The following CHRM2 variants were observed in gnomAD, a reference collection of about 807,000 sequenced individuals.
The protein encoded by CHRM2 is muscarinic acetylcholine receptor M2.
Under a neutral mutation model 25.0 loss-of-function variants are expected in CHRM2, and 8 were observed. That is an observed-to-expected ratio of 0.32 (90% confidence interval 0.19 to 0.58). CHRM2 has a LOEUF of 0.58. Ranked by LOEUF, CHRM2 falls within the 20% of genes least tolerant of loss-of-function variation. CHRM2 has a pLI of 0.88. For missense variants in CHRM2, 440 were observed against 567.1 expected (o/e 0.78, Z 2.28); for synonymous variants, 202 against 205.7 (o/e 0.98, Z 0.15).
In CHRM2 at chr7:136,950,798, T is replaced by TTGTTGA. The variant is rs1184158439; in HGVS notation, c.-124-41384_-124-41383insATGTTG. Among the ~76,000 whole-genome samples, 7 of 151,768 alleles carry TTGTTGA rather than the reference T, an allele frequency of 4.6e-5. No homozygotes were observed. In the East Asian group the frequency reaches 7.8e-4, roughly 17 times the overall value. On this transcript the variant is annotated intron_variant, in intron 2 of 3. Coordinates refer to ENST00000680005, the MANE Select transcript of CHRM2 (RefSeq NM_001006630.2). ...AACCCCCAACCTGTTGTTGTTGTTG[T>TTGTTGA]TGTTGTTGTTGTTGTTGTTGTTGTT...
At chr7:136,988,052 T>C (rs1802974907) in intron 2 of CHRM2, among the ~76,000 whole-genome samples, 2 of 150,484 alleles carry the variant, frequency 1.3e-5, no homozygotes, top group Non-Finnish European at 3.0e-5. Context: ...GTATAATATA[T>C]TTATTTACAT....
intron 2 of CHRM2, among the ~76,000 whole-genome samples, chr7:136,961,218 ATT>A (rs902723628): frequency 2.4e-4 from 37 of 152,194 alleles, no homozygotes; most frequent in African/African-American, 8.7e-4. Flanking sequence ...TCAGTACAGT[ATT>A]CAGTAAACTA....
intron 3 of CHRM2, among the ~76,000 whole-genome samples, chr7:137,000,731 T>G (rs535926032): frequency 1.4e-5 from 2 of 140,082 alleles, no homozygotes; most frequent in Non-Finnish European, 3.1e-5. Flanking sequence ...TCTGTTCACC[T>G]TTTTTTTTTT....
At chr7:136,901,146 G>A (rs1310670588) in intron 2 of CHRM2, among the ~76,000 whole-genome samples, 2 of 151,956 alleles carry the variant, frequency 1.3e-5, no homozygotes, top group African/African-American at 4.8e-5. Flanking sequence ...CGGGGAGTGT[G>A]GGCACCCCCA....
chr7:136,951,853 T>C (rs1266599378), intron 2 of CHRM2, among the ~76,000 whole-genome samples: 1 of 152,222 alleles, frequency 6.6e-6, no homozygotes, highest in East Asian at 1.9e-4. Context: ...ATTCTTTGCC[T>C]TTCCTCCTGC....
intron 2 of CHRM2, among the ~76,000 whole-genome samples, chr7:136,897,743 G>C (rs756841438): frequency 3.3e-5 from 5 of 151,586 alleles, no homozygotes; most frequent in Non-Finnish European, 4.4e-5. Flanking sequence ...CATAGGGAGA[G>C]CTCATATTTG....
chr7:136,936,229 A>C (rs540421687), intron 2 of CHRM2, among the ~76,000 whole-genome samples: 2 of 152,250 alleles, frequency 1.3e-5, no homozygotes, highest in East Asian at 3.9e-4. Flanking sequence ...TCCTAACATC[A>C]AGCAAGTGGT....
rs1795700172 is a variant in CHRM2 at position 136,868,861 on chromosome 7, G to T, written c.-414G>T. ...TCACCAGGAAATCGCCGAGGTACCC[G>T]AATAGGTGTTGCCTCCCAAAACTAA... On this transcript the variant is annotated 5_prime_UTR_variant, in exon 1 of 4. Transcript: ENST00000680005. The T allele has an allele frequency of 6.6e-6, 1 of 152,280 alleles. No individual in the cohort carries two copies. Among genetic ancestry groups the T allele is most frequent in the Non-Finnish European group, 1.5e-5 (1 of 68,140 alleles). The allele number at this position is 152,280 out of a possible 1,614,324, so 9.4% of individuals were successfully genotyped here. A position where few individuals can be genotyped will look rare whatever the true frequency, so the allele number is the denominator to read the frequency against.
intron 2 of CHRM2, among the ~76,000 whole-genome samples, chr7:136,927,560 C>G (rs1798819964): frequency 6.6e-6 from 1 of 152,156 alleles, no homozygotes; most frequent in South Asian, 2.1e-4. Flanking sequence ...AAATTGTACT[C>G]TTACAGATCT....
At chr7:137,009,608 C>A (rs1804673050) in intron 3 of CHRM2, among the ~76,000 whole-genome samples, 1 of 151,996 alleles carries the variant, frequency 6.6e-6, no homozygotes, top group African/African-American at 2.4e-5. Flanking sequence ...TGTGAGTGAG[C>A]AGTAGCAGCT....
At chr7:136,962,687 C>A (rs1801175316) in intron 2 of CHRM2, among the ~76,000 whole-genome samples, 1 of 152,284 alleles carries the variant, frequency 6.6e-6, no homozygotes, top group East Asian at 1.9e-4. Flanking sequence ...TACAAACTTG[C>A]AAGATAAGTT....
intron 2 of CHRM2, chr7:136,938,639 C>G: frequency 1.2e-6 from 1 of 834,574 alleles, no homozygotes; most frequent in Non-Finnish European, 2.1e-6. Flanking sequence ...GGAGCTCATG[C>G]GGGCACAGGG....
At chr7:136,984,067 C>T (rs1054124482) in intron 2 of CHRM2, among the ~76,000 whole-genome samples, 7 of 152,144 alleles carry the variant, frequency 4.6e-5, no homozygotes, top group African/African-American at 1.7e-4. Flanking sequence ...GTTCTCTGTC[C>T]CAGGGATATG....
At chr7:136,893,091 T>G (rs569993601) in intron 2 of CHRM2, among the ~76,000 whole-genome samples, 1 of 152,294 alleles carries the variant, frequency 6.6e-6, no homozygotes, top group South Asian at 2.1e-4. Context: ...CTCTCTCTTG[T>G]TCTTCTCGCT....
At chr7:136,995,198 C>T (rs148992612) in intron 3 of CHRM2, among the ~76,000 whole-genome samples, 13 of 152,106 alleles carry the variant, frequency 8.5e-5, no homozygotes, top group Admixed American at 8.5e-4. Flanking sequence ...GAATTGTCTA[C>T]ATATACATAC....
chr7:136,993,902 T>A (rs13242881), intron 3 of CHRM2, among the ~76,000 whole-genome samples: 89,501 of 151,844 alleles, frequency 0.59, 27,780 homozygotes, highest in Non-Finnish European at 0.69. Flanking sequence ...AACTTAAAAG[T>A]CTTAAAAAAA....
At chr7:136,883,717 C>T (rs1192779360) in intron 2 of CHRM2, among the ~76,000 whole-genome samples, 1 of 152,112 alleles carries the variant, frequency 6.6e-6, no homozygotes, top group African/African-American at 2.4e-5. Context: ...CACCTCTCCT[C>T]TTCTGTTTCC....
intron 2 of CHRM2, among the ~76,000 whole-genome samples, chr7:136,876,941 GTA>G (rs2130481537): frequency 6.6e-6 from 1 of 152,210 alleles, no homozygotes; most frequent in Admixed American, 6.5e-5. Context: ...CACAGGTTGA[GTA>G]TCTGAGACAC....
intron 3 of CHRM2, among the ~76,000 whole-genome samples, chr7:137,009,290 T>C (rs971522127): frequency 6.6e-6 from 1 of 152,142 alleles, no homozygotes; most frequent in Non-Finnish European, 1.5e-5. Flanking sequence ...CAGAAAAATC[T>C]GTCATTGTCA....
Sources: gnomAD v4.1 joint callset for allele counts (sites outside exome capture counted in the v4.1 genomes callset) on GRCh38, gnomAD v4.1.1 for gene constraint, MANE v1.5 for transcripts, NCBI Gene and HGNC (gene_info 2026-07-23, HGNC 2026-07-21) for gene names.